Variants in CCSER1 observed in about 807,000 individuals in gnomAD.
CCSER1 encodes coiled-coil serine rich protein 1.
Under a neutral mutation model 82.0 loss-of-function variants are expected in CCSER1, and 41 were observed. That is an observed-to-expected ratio of 0.50 (90% CI 0.39 to 0.65). The LOEUF (loss-of-function observed/expected upper bound fraction) is 0.65, where lower values mean the gene tolerates loss of function less well. Among genes scored for constraint, CCSER1 ranks in the 30% least tolerant of loss-of-function variants. The probability of loss-of-function intolerance (pLI) is 0.00; values close to 1 mark genes in which losing one functional copy is unlikely to be tolerated. For synonymous variants in CCSER1, 414 were observed against 383.9 expected, an observed-to-expected ratio of 1.08 and a Z score of -0.92; for missense variants, 1,119 against 1,064.2, an observed-to-expected ratio of 1.05 and a Z score of -0.72.
intron 9 of CCSER1, among the ~76,000 whole-genome samples, chr4:91,047,194 T>G (rs961075031): frequency 1.3e-5 from 2 of 152,002 alleles, no homozygotes; most frequent in Non-Finnish European, 2.9e-5. Context: ...GACTTACTTT[T>G]CAGTTTTATA....
chr4:91,111,457 A>G (rs1726086852), intron 10 of CCSER1, among the ~76,000 whole-genome samples: 1 of 152,068 alleles, frequency 6.6e-6, no homozygotes. Context: ...AAAGTGATAT[A>G]TGAATATGAG....
At chr4:91,319,391 G>A (rs1746040305) in intron 10 of CCSER1, among the ~76,000 whole-genome samples, 1 of 151,930 alleles carries the variant, frequency 6.6e-6, no homozygotes, top group Non-Finnish European at 1.5e-5. Flanking sequence ...TTCACCAAGA[G>A]TCTATCACCA....
intron 8 of CCSER1, among the ~76,000 whole-genome samples, chr4:90,826,300 C>G (rs1760436631): frequency 6.6e-6 from 1 of 152,156 alleles, no homozygotes; most frequent in South Asian, 2.1e-4. Context: ...CAATGGCCTC[C>G]TCCTTTATTT....
Position 90,522,758 on chromosome 4 carries a change from A to G in CCSER1, c.1724+54404A>G, listed in dbSNP as rs190784697. On this transcript the variant is annotated intron_variant, in intron 5 of 10. Coordinates refer to ENST00000509176, the MANE Select transcript of CCSER1 (RefSeq NM_001145065.2). ...CTCCATTACAGAACTTAACAGGCAT[A>G]TTATAATTTCTGTTTATAAATATTC... 1.4e-3 allele frequency among the ~76,000 whole-genome samples: 215 copies of G among 152,308 alleles called. 2 individuals are homozygous for G. In the East Asian group the frequency reaches 0.036, roughly 26 times the overall value.
intron 10 of CCSER1, among the ~76,000 whole-genome samples, chr4:91,429,468 G>A (rs768969529): frequency 3.3e-5 from 5 of 151,894 alleles, no homozygotes; most frequent in Middle Eastern, 3.4e-3. Context: ...AACCCATTAC[G>A]TGCCCAATTC....
chr4:90,608,208 C>G (rs1010543867), intron 5 of CCSER1, among the ~76,000 whole-genome samples: 1 of 152,110 alleles, frequency 6.6e-6, no homozygotes, highest in Non-Finnish European at 1.5e-5. Flanking sequence ...GTTGGGTCCT[C>G]TATTAGGGTC....
chr4:90,851,155 G>GAAAAT lies in CCSER1; in HGVS notation c.2094+35310_2094+35311insAAAAT, dbSNP rs545836190. Reference sequence around the variant, plus strand: ...CCTCCCTAGGCATGTGAAACTGTGAGTAAATTAAATCTTTTTTCTTTATAA... The same window carrying GAAAAT: ...CCTCCCTAGGCATGTGAAACTGTGAGAAAATTAAATTAAATCTTTTTTCTTTATAA... On this transcript the variant is annotated intron_variant, in intron 8 of 10. Coordinates refer to ENST00000509176, the MANE Select transcript of CCSER1 (RefSeq NM_001145065.2). Among the ~76,000 whole-genome samples the GAAAAT allele has an allele frequency of 1.1e-3, 162 of 152,294 alleles. 2 individuals are homozygous for GAAAAT. The highest frequency in any genetic ancestry group is 7.6e-3 in the Admixed American group (117 of 15,302).
At chr4:90,576,931 A>G (rs1205861991) in intron 5 of CCSER1, among the ~76,000 whole-genome samples, 7 of 152,164 alleles carry the variant, frequency 4.6e-5, no homozygotes, top group Admixed American at 2.6e-4. Flanking sequence ...GAGTAGATTT[A>G]GTTTAGTAAG....
At chr4:91,013,764 A>C (rs1581336191) in intron 9 of CCSER1, among the ~76,000 whole-genome samples, 1 of 90,518 alleles carries the variant, frequency 1.1e-5, no homozygotes, top group Non-Finnish European at 2.6e-5. Flanking sequence ...CACCACGCCC[A>C]GCTATTGTTT....
chr4:91,539,458 T>A (rs1392899545), intron 10 of CCSER1, among the ~76,000 whole-genome samples: 1 of 152,096 alleles, frequency 6.6e-6, no homozygotes, highest in Non-Finnish European at 1.5e-5. Flanking sequence ...CTCTTTTCTG[T>A]AGAAGAGTTT....
At chr4:90,567,479 G>C (rs968681663) in intron 5 of CCSER1, among the ~76,000 whole-genome samples, 1 of 151,948 alleles carries the variant, frequency 6.6e-6, no homozygotes, top group Non-Finnish European at 1.5e-5. Flanking sequence ...TAGTAGAGAC[G>C]GGGTTTCTCC....
At chr4:90,920,961 A>G (rs1581089691) in intron 8 of CCSER1, among the ~76,000 whole-genome samples, 1 of 151,906 alleles carries the variant, frequency 6.6e-6, no homozygotes, top group Admixed American at 6.6e-5. Flanking sequence ...AAAATACATG[A>G]TGATACTTTG....
chr4:90,938,696 C>T, intron 9 of CCSER1: 1 of 411,170 alleles, frequency 2.4e-6, no homozygotes, highest in Non-Finnish European at 5.0e-6. Flanking sequence ...ATCCTACATG[C>T]ACTGAAGGTT....
At chr4:90,751,212 CTTA>C (rs1748597246) in intron 7 of CCSER1, among the ~76,000 whole-genome samples, 1 of 152,022 alleles carries the variant, frequency 6.6e-6, no homozygotes. Flanking sequence ...GCTCCACAGT[CTTA>C]TGAGTTTGTT....
intron 5 of CCSER1, among the ~76,000 whole-genome samples, chr4:90,562,317 C>T (rs1053186942): frequency 1.3e-5 from 2 of 151,840 alleles, no homozygotes; most frequent in Admixed American, 6.6e-5. Flanking sequence ...GACTCTGACA[C>T]ATTCTATATT....
intron 10 of CCSER1, among the ~76,000 whole-genome samples, chr4:91,381,535 T>C (rs1315358319): frequency 6.6e-6 from 1 of 152,234 alleles, no homozygotes; most frequent in Non-Finnish European, 1.5e-5. Flanking sequence ...ATTGATCAAA[T>C]CGGCTACTAA....
In CCSER1 at chr4:90,243,807, T is replaced by G. The variant is rs557662559; in HGVS notation, c.-41-64437T>G. Among the ~76,000 whole-genome samples, 38 of 152,256 alleles carry G rather than the reference T, an allele frequency of 2.5e-4. No homozygotes were observed. The South Asian group carries it at 5.6e-3, about 22-fold the overall frequency. On this transcript the variant is annotated intron_variant, in intron 1 of 10. Coordinates refer to ENST00000509176, the MANE Select transcript of CCSER1 (RefSeq NM_001145065.2). The stretch of plus-strand genomic sequence containing the variant: ...AATAAGCAGGGTGAATATATTATAA[T>G]TTTTTAAAAAATTATTACTTCTCTT...
intron 6 of CCSER1, among the ~76,000 whole-genome samples, chr4:90,702,116 T>TA (rs1738275042): frequency 6.6e-6 from 1 of 152,202 alleles, no homozygotes; most frequent in Non-Finnish European, 1.5e-5. Context: ...GGGTTTGTCA[T>TA]AAATAGCTCT....
At chr4:90,216,659 T>C (rs1741090561) in intron 1 of CCSER1, among the ~76,000 whole-genome samples, 1 of 152,192 alleles carries the variant, frequency 6.6e-6, no homozygotes, top group Admixed American at 6.5e-5. Flanking sequence ...ACCATCCTGT[T>C]TTGGCTACTG....
Sources: allele counts gnomAD v4.1 joint callset (sites outside exome capture counted in the v4.1 genomes callset), GRCh38; gene constraint gnomAD v4.1.1; transcripts MANE v1.5; gene names NCBI Gene and HGNC (gene_info 2026-07-23, HGNC 2026-07-21).